CLIC5: variants seen among roughly 807,000 people sequenced by gnomAD.
CLIC5 encodes the protein CLIC family member 5.
Under a neutral mutation model 24.7 loss-of-function variants are expected in CLIC5, and 20 were observed. The ratio of observed to expected loss-of-function variants is 0.81; its 90% CI spans 0.57 to 1.18. The LOEUF is 1.18. CLIC5 is among the 50% of genes most tolerant of loss of function. The probability of loss-of-function intolerance (pLI) is 0.00; values close to 1 mark genes in which losing one functional copy is unlikely to be tolerated. For synonymous variants in CLIC5, 159 were observed against 135.6 expected (o/e 1.17, Z -1.20); for missense variants, 341 against 326.1 (o/e 1.05, Z -0.35).
chr6:46,082,683 A>C (rs914424591), upstream of CLIC5, among the ~76,000 whole-genome samples: 7 of 151,954 alleles, frequency 4.6e-5, no homozygotes, highest in African/African-American at 7.3e-5. Flanking sequence ...AACTCCTATA[A>C]ATTTTTGCTT....
At chr6:46,044,219 T>G (rs1351560054) in intron 1 of CLIC5, among the ~76,000 whole-genome samples, 2 of 152,184 alleles carry the variant, frequency 1.3e-5, no homozygotes, top group African/African-American at 2.4e-5. Context: ...AAAGGGTTCC[T>G]TGCTCCAGTT....
At chr6:45,885,686 G>A (rs974198231) in intron 6 of CLIC5, among the ~76,000 whole-genome samples, 46 of 152,190 alleles carry the variant, frequency 3.0e-4, no homozygotes, top group African/African-American at 1.1e-3. Context: ...AAGGCTGATT[G>A]ATGAAACAAA....
At chr6:45,981,701 G>A (rs1765572933) in intron 1 of CLIC5, among the ~76,000 whole-genome samples, 1 of 152,162 alleles carries the variant, frequency 6.6e-6, no homozygotes, top group Admixed American at 6.5e-5. Context: ...AAGACTCTCT[G>A]TCTGATGAAA....
intron 1 of CLIC5, among the ~76,000 whole-genome samples, chr6:46,059,038 C>T (rs1581908440): frequency 1.3e-5 from 2 of 152,300 alleles, no homozygotes; most frequent in East Asian, 3.9e-4. Context: ...GAGTGTTTCT[C>T]CAGGCTCAAC....
intron 4 of CLIC5, among the ~76,000 whole-genome samples, chr6:45,924,020 C>T (rs1326832668): frequency 6.6e-6 from 1 of 152,200 alleles, no homozygotes; most frequent in African/African-American, 2.4e-5. Context: ...CAGTGCCCGG[C>T]ATGCTGTAAG....
chr6:46,085,153 G>A (rs1217829054), upstream of CLIC5, among the ~76,000 whole-genome samples: 3 of 151,488 alleles, frequency 2.0e-5, no homozygotes, highest in South Asian at 2.1e-4. Flanking sequence ...CTCTGTATTG[G>A]TTATTCTAGT....
intron 1 of CLIC5, among the ~76,000 whole-genome samples, chr6:45,983,674 C>T (rs1035916024): frequency 1.3e-5 from 2 of 152,130 alleles, no homozygotes; most frequent in Non-Finnish European, 2.9e-5. Context: ...AGAATATAGA[C>T]AACCCTTCAT....
intron 1 of CLIC5, among the ~76,000 whole-genome samples, chr6:45,977,273 T>A (rs1765416050): frequency 6.6e-6 from 1 of 152,166 alleles, no homozygotes; most frequent in East Asian, 1.9e-4. Flanking sequence ...TAAACCTCTT[T>A]TTATCAAATT....
chr6:46,042,269 G>T lies in CLIC5; in HGVS notation c.540+37434C>A, dbSNP rs193051566. 2.2e-4 allele frequency among the ~76,000 whole-genome samples: 33 copies of T among 152,228 alleles called. No individual in the cohort carries two copies. The East Asian group carries it at 6.0e-3, about 28-fold the overall frequency. On this transcript the variant is annotated intron_variant, in intron 1 of 5. Coordinates refer to the CLIC5 transcript ENST00000185206. ...TTTCAATGAAAGCATTAAAAAGGTTGTATTTCTGCATTCAATAACAAACTT... is the reference window on the plus strand; with the variant it reads ...TTTCAATGAAAGCATTAAAAAGGTTTTATTTCTGCATTCAATAACAAACTT...
chr6:45,946,910 A>G (rs1033862999), intron 3 of CLIC5, among the ~76,000 whole-genome samples: 7 of 152,308 alleles, frequency 4.6e-5, no homozygotes, highest in African/African-American at 1.7e-4. Context: ...GCTACCTGAG[A>G]GTAGTGGATT....
At chr6:45,953,394 T>G (rs1764534212) in intron 2 of CLIC5, among the ~76,000 whole-genome samples, 2 of 151,620 alleles carry the variant, frequency 1.3e-5, no homozygotes, top group African/African-American at 2.4e-5. Context: ...CTTGTATGAG[T>G]GTGGTGGGAT....
intron 1 of CLIC5, among the ~76,000 whole-genome samples, chr6:46,021,045 G>A (rs1428048533): frequency 7.2e-6 from 1 of 138,868 alleles, no homozygotes; most frequent in African/African-American, 2.6e-5. Context: ...AGAGGAGGAA[G>A]TGAAGGACTT....
intron 1 of CLIC5, among the ~76,000 whole-genome samples, chr6:45,971,839 C>G (rs1223905236): frequency 6.6e-6 from 1 of 152,160 alleles, no homozygotes; most frequent in African/African-American, 2.4e-5. Flanking sequence ...AAGAGGCCTG[C>G]TGAAGAATTA....
intron 6 of CLIC5, among the ~76,000 whole-genome samples, chr6:45,893,310 T>C (rs1313787509): frequency 6.6e-6 from 1 of 151,662 alleles, no homozygotes; most frequent in African/African-American, 2.4e-5. Flanking sequence ...TACATAAGAA[T>C]GTGGGTGCAA....
At chr6:45,956,590 C>T (rs1764650909) in intron 1 of CLIC5, among the ~76,000 whole-genome samples, 1 of 152,034 alleles carries the variant, frequency 6.6e-6, no homozygotes, top group Admixed American at 6.6e-5. Context: ...GGCAGCGATG[C>T]CTTCTTTCAT....
Position 45,962,063 on chromosome 6 carries a change from T to TACACACACAC in CLIC5, c.64-6829_64-6820dup, listed in dbSNP as rs74732121. On this transcript the variant is annotated intron_variant, in intron 1 of 5. Coordinates refer to ENST00000339561, the MANE Select transcript of CLIC5 (RefSeq NM_016929.5). ...ATATATACATACACATATATGTACA[T>TACACACACAC]ACACACACACACACACACACACACA... Among the ~76,000 whole-genome samples the TACACACACAC allele has an allele frequency of 3.3e-3, 483 of 145,522 alleles. 2 individuals are homozygous for TACACACACAC. The highest frequency in any genetic ancestry group is 0.02 in the East Asian group (96 of 4,880).
chr6:45,969,197 C>T (rs1346651036), intron 1 of CLIC5, among the ~76,000 whole-genome samples: 1 of 152,166 alleles, frequency 6.6e-6, no homozygotes, highest in African/African-American at 2.4e-5. Context: ...GATGAAAGAG[C>T]TTGTGGACTA....
At chr6:46,121,818 T>C in the CLIC5 span, among the ~76,000 whole-genome samples, 18 of 151,638 alleles carry the variant, frequency 1.2e-4, no homozygotes, top group African/African-American at 4.4e-4. Context: ...CCAACAAAGA[T>C]CAAAAGAGAC....
chr6:45,980,042 T>C (rs1055223570), intron 1 of CLIC5, among the ~76,000 whole-genome samples: 3 of 146,132 alleles, frequency 2.1e-5, no homozygotes, highest in Admixed American at 7.2e-5. Context: ...GGTCTAACAG[T>C]TAAGTCTTTA....
Sources: allele counts gnomAD v4.1 joint callset (sites outside exome capture counted in the v4.1 genomes callset), GRCh38; gene constraint gnomAD v4.1.1; transcripts MANE v1.5; gene names NCBI Gene and HGNC (gene_info 2026-07-23, HGNC 2026-07-21).